Variants in GDPD4 observed in about 807,000 individuals in gnomAD.
GDPD4 encodes glycerophosphodiester phosphodiesterase domain containing 4, also known as glycerophosphodiester phosphodiesterase 6.
GDPD4 carries 60 observed loss-of-function variants against 67.8 expected under a neutral mutation model. That is an observed-to-expected ratio of 0.88 (90% CI 0.72 to 1.10). The LOEUF (loss-of-function observed/expected upper bound fraction) is 1.10, where lower values mean the gene tolerates loss of function less well. GDPD4 is among the 50% of genes least tolerant of loss of function. GDPD4 has a pLI of 0.00. For missense variants in GDPD4, 623 were observed against 613.9 expected (o/e 1.01, Z -0.16); for synonymous variants, 212 against 210.9 (o/e 1.00, Z -0.04).
intron 13 of GDPD4, among the ~76,000 whole-genome samples, chr11:77,238,859 C>T (rs1958611748): frequency 6.6e-6 from 1 of 152,108 alleles, no homozygotes; most frequent in Non-Finnish European, 1.5e-5. Flanking sequence ...CCAGCATTAC[C>T]TTGATACCAA....
chr11:77,245,381 A>C lies in GDPD4; in HGVS notation c.986T>G (p.Ile329Arg). The C allele has an allele frequency of 1.2e-6, 2 of 1,614,212 alleles. No individual in the cohort carries two copies. The highest frequency in any genetic ancestry group is 1.7e-6 in the Non-Finnish European group (2 of 1,180,010). Residue 329 changes from isoleucine (I) to arginine (R), a missense_variant, in exon 12 of 17, where the codon ATA (isoleucine) becomes AGA (arginine). Physicochemically the swap from Ile to Arg is moderately conservative, Grantham distance 97 (BLOSUM62 -3). Transcript: ENST00000315938. The stretch of plus-strand genomic sequence containing the variant: ...TGGTGGAGGGCGATGAAGATCAAAT[A>C]TCACAAATTTTCTTTCCTTCTCTGC... ...TLAEKERKFV[I>R]FDLHRPPPKH...
chr11:77,238,526 G>A (rs542509421), intron 13 of GDPD4, among the ~76,000 whole-genome samples: 1 of 149,984 alleles, frequency 6.7e-6, no homozygotes, highest in African/African-American at 2.5e-5. Context: ...AGAGGTTGCA[G>A]TGAACCGAGA....
chr11:77,233,223 T>A (rs369358152), intron 13 of GDPD4, 51 bp from the exon 14 acceptor site: 41 of 1,580,120 alleles, frequency 2.6e-5, no homozygotes, highest in Non-Finnish European at 2.6e-6. Context: ...TTCATTCTCA[T>A]CATCTAAAAG....
intron 1 of GDPD4, among the ~76,000 whole-genome samples, chr11:77,297,060 C>CAAA (rs538534637): frequency 4.3e-5 from 5 of 116,596 alleles, no homozygotes; most frequent in South Asian, 2.6e-4. Flanking sequence ...TCAAAAAAAA[C>CAAA]AAAAAAAAAA....
intron 11 of GDPD4, among the ~76,000 whole-genome samples, chr11:77,257,843 G>A (rs1959034935): frequency 1.3e-5 from 2 of 152,134 alleles, no homozygotes; most frequent in African/African-American, 4.8e-5. Flanking sequence ...CTCAGTCTGA[G>A]TTAGAAGTTG....
rs142210816 is a variant in GDPD4, at chr11:77,234,724, C to T, written c.1242-1552G>A. 5.7e-3 allele frequency among the ~76,000 whole-genome samples: 863 copies of T among 152,294 alleles called. 5 individuals carry two copies. Among genetic ancestry groups the T allele is most frequent in the African/African-American group, 0.02 (819 of 41,560 alleles). On this transcript the variant is annotated intron_variant, in intron 13 of 16. Coordinates refer to ENST00000315938, the MANE Select transcript of GDPD4 (RefSeq NM_182833.3). ...AGTATTCCATGGTGTATATGTGTCA[C>T]ATTTTCTTTATCCAGTCCACCACTG...
chr11:77,270,324 A>G (rs1959203772), intron 7 of GDPD4, among the ~76,000 whole-genome samples: 1 of 152,188 alleles, frequency 6.6e-6, no homozygotes, highest in African/African-American at 2.4e-5. Flanking sequence ...CAGACATTTA[A>G]CCTTCTGCTG....
intron 11 of GDPD4, among the ~76,000 whole-genome samples, chr11:77,257,568 C>G (rs1357765032): frequency 1.3e-5 from 2 of 151,050 alleles, no homozygotes; most frequent in African/African-American, 4.9e-5. Flanking sequence ...CACACACACA[C>G]ACACACACAC....
chr11:77,234,316 T>G (rs1400673525), intron 13 of GDPD4, among the ~76,000 whole-genome samples: 6 of 152,218 alleles, frequency 3.9e-5, no homozygotes, highest in African/African-American at 1.4e-4. Flanking sequence ...TTACTTATTT[T>G]TACCTTTTGA....
intron 11 of GDPD4, among the ~76,000 whole-genome samples, chr11:77,249,127 G>A (rs559383592): frequency 1.3e-4 from 19 of 151,212 alleles, no homozygotes; most frequent in African/African-American, 3.1e-4. Context: ...TTAGCTGGGC[G>A]TGGTGGTGTG....
chr11:77,282,566 A>T (rs1038258176), intron 3 of GDPD4, among the ~76,000 whole-genome samples: 4 of 151,930 alleles, frequency 2.6e-5, no homozygotes, highest in African/African-American at 9.7e-5. Context: ...AAGTGGGAGG[A>T]TCGGTCAAGC....
intron 16 of GDPD4, among the ~76,000 whole-genome samples, chr11:77,218,091 C>T (rs1011561251): frequency 1.6e-5 from 2 of 127,884 alleles, no homozygotes; most frequent in Non-Finnish European, 3.3e-5. Flanking sequence ...CAAACATGAG[C>T]TTCCATTTTT....
At chr11:77,254,772 G>C (rs555650261) in intron 11 of GDPD4, among the ~76,000 whole-genome samples, 15 of 152,074 alleles carry the variant, frequency 9.9e-5, no homozygotes, top group Admixed American at 5.9e-4. Context: ...TTCTTATTTT[G>C]TTATAAGATT....
chr11:77,227,262 A>G lies in GDPD4; in HGVS notation c.1525+602T>C, dbSNP rs531537939. 2.0e-4 allele frequency among the ~76,000 whole-genome samples: 30 copies of G among 152,328 alleles called. No homozygotes were observed. In the South Asian group the frequency reaches 6.0e-3, roughly 31 times the overall value. ...GCTTCCTTGTGTGAATGAAAGCGAT[A>G]ATGCCATCTCCTAACTGCCAATATG... On this transcript the variant is annotated intron_variant, in intron 16 of 16. Transcript: ENST00000315938.
Position 77,285,278 on chromosome 11 carries a change from T to C in GDPD4, c.-50-91A>G, listed in dbSNP as rs17135480. The C allele has an allele frequency of 8.0e-3, 5,187 of 651,480 alleles. 207 individuals are homozygous for C. The African/African-American group carries it at 0.084, about 11-fold the overall frequency. 40.4% of individuals were successfully genotyped at this position (651,480 alleles called of 1,614,324 possible). A position where few individuals can be genotyped will look rare whatever the true frequency, so the allele number is the denominator to read the frequency against. ...TACACTTGCCAAAGGTCAGCATAGT[T>C]GCACTGCCATGCATTACCCTCCTGA... is the stretch of plus-strand genomic sequence containing the variant. On this transcript the variant is annotated intron_variant, in intron 2 of 16. Coordinates refer to ENST00000315938, the MANE Select transcript of GDPD4 (RefSeq NM_182833.3).
intron 11 of GDPD4, among the ~76,000 whole-genome samples, chr11:77,255,724 G>T (rs924428501): frequency 6.6e-6 from 1 of 152,050 alleles, no homozygotes; most frequent in African/African-American, 2.4e-5. Flanking sequence ...AGCTGGGCAT[G>T]GTGGCGCGTA....
intron 16 of GDPD4, among the ~76,000 whole-genome samples, chr11:77,219,758 ACC>A (rs1172933543): frequency 1.3e-4 from 20 of 151,470 alleles, no homozygotes; most frequent in African/African-American, 3.2e-4. Context: ...TGGTACCAGT[ACC>A]ATGCTGTTTT....
At chr11:77,221,881 G>A (rs1958232590) in intron 16 of GDPD4, among the ~76,000 whole-genome samples, 1 of 138,638 alleles carries the variant, frequency 7.2e-6, no homozygotes, top group Non-Finnish European at 1.6e-5. Flanking sequence ...CTCTTTGTAG[G>A]TCACTAAGGA....
At chr11:77,259,662 G>C (rs1190158494) in intron 10 of GDPD4, among the ~76,000 whole-genome samples, 1 of 152,044 alleles carries the variant, frequency 6.6e-6, no homozygotes, top group African/African-American at 2.4e-5. Context: ...GAACCTAAAA[G>C]GGACCTAGCT....
Sources: gnomAD v4.1 joint callset for allele counts (sites outside exome capture counted in the v4.1 genomes callset) on GRCh38, gnomAD v4.1.1 for gene constraint, MANE v1.5 for transcripts, NCBI Gene and HGNC (gene_info 2026-07-23, HGNC 2026-07-21) for gene names.